Variants in KCNK2 observed in about 807,000 individuals in gnomAD.
The protein encoded by KCNK2 is potassium channel subfamily K member 2.
A neutral mutation model predicts 40.5 loss-of-function variants in KCNK2; 21 were observed. The observed-to-expected ratio is 0.52, with a 90% CI of 0.37 to 0.75. The LOEUF is 0.75. KCNK2 is among the 30% of genes least tolerant of loss of function. KCNK2 has a pLI of 0.00. For synonymous variants in KCNK2, 191 were observed against 202.2 expected (o/e 0.94, Z 0.47); for missense variants, 399 against 531.6 (o/e 0.75, Z 2.45).
At chr1:215,204,323 T>C (rs1308988899) in intron 6 of KCNK2, among the ~76,000 whole-genome samples, 2 of 151,920 alleles carry the variant, frequency 1.3e-5, no homozygotes, top group Non-Finnish European at 2.9e-5. Flanking sequence ...GGTAACTTTT[T>C]TTTTTGATTC....
intron 3 of KCNK2, among the ~76,000 whole-genome samples, chr1:215,154,333 C>A (rs773065049): frequency 6.6e-6 from 1 of 152,046 alleles, no homozygotes; most frequent in African/African-American, 2.4e-5. Context: ...ATTTGCATTT[C>A]TCTAATGGTC....
chr1:215,107,684 C>T (rs1660491056), intron 2 of KCNK2, among the ~76,000 whole-genome samples: 2 of 151,960 alleles, frequency 1.3e-5, no homozygotes. Context: ...TTTTAAAAAT[C>T]AAGTTATTTG....
At chr1:215,090,819 A>G (rs1346094807) in intron 2 of KCNK2, among the ~76,000 whole-genome samples, 1 of 152,194 alleles carries the variant, frequency 6.6e-6, no homozygotes, top group Non-Finnish European at 1.5e-5. Context: ...ATGTTTGGAC[A>G]AGGTCATCTG....
intron 6 of KCNK2, among the ~76,000 whole-genome samples, chr1:215,203,549 T>C (rs1378709688): frequency 2.6e-5 from 4 of 151,952 alleles, no homozygotes; most frequent in African/African-American, 7.2e-5. Flanking sequence ...TATAATATCA[T>C]CATATATTGT....
In KCNK2 at chr1:215,185,265, C is replaced by T. The variant is rs574223386; in HGVS notation, c.824-9688C>T. On this transcript the variant is annotated intron_variant, in intron 5 of 6. Transcript: ENST00000444842. ...TAAATTGACACTATTTTTGCTGATT[C>T]ATCACTATCTCCTTAACTTATATAT... Among the ~76,000 whole-genome samples the T allele has an allele frequency of 3.9e-5, 6 of 152,166 alleles. No homozygotes were observed. The East Asian group carries it at 5.8e-4, about 15-fold the overall frequency.
At chr1:215,057,640 G>T (rs1658216283) in intron 1 of KCNK2, among the ~76,000 whole-genome samples, 1 of 152,064 alleles carries the variant, frequency 6.6e-6, no homozygotes, top group African/African-American at 2.4e-5. Flanking sequence ...ATTAACAATG[G>T]CAAGATGGAA....
At chr1:215,192,394 A>G (rs1292767989) in intron 5 of KCNK2, among the ~76,000 whole-genome samples, 2 of 152,196 alleles carry the variant, frequency 1.3e-5, no homozygotes, top group Admixed American at 6.5e-5. Context: ...TTACCCAAAT[A>G]TAGACCTTTT....
At chr1:215,232,067 T>C (rs1334432542) in intron 6 of KCNK2, among the ~76,000 whole-genome samples, 1 of 152,210 alleles carries the variant, frequency 6.6e-6, no homozygotes, top group Non-Finnish European at 1.5e-5. Flanking sequence ...GCCATATCAA[T>C]ACTCATGCCT....
At chr1:215,056,046 C>T (rs6694251) in intron 1 of KCNK2, among the ~76,000 whole-genome samples, 3,700 of 152,192 alleles carry the variant, frequency 0.024, 152 homozygotes, top group African/African-American at 0.085. Flanking sequence ...TGGCTCATGC[C>T]TGTAATCCCA....
intron 3 of KCNK2, among the ~76,000 whole-genome samples, chr1:215,130,761 T>C (rs1044771248): frequency 2.0e-5 from 3 of 152,168 alleles, no homozygotes; most frequent in African/African-American, 4.8e-5. Context: ...TGGACAGATA[T>C]GTGGTCTTAA....
intron 3 of KCNK2, among the ~76,000 whole-genome samples, chr1:215,165,341 G>A (rs1192873566): frequency 6.6e-6 from 1 of 152,060 alleles, no homozygotes; most frequent in Non-Finnish European, 1.5e-5. Flanking sequence ...ACTTTTATAT[G>A]TGAAAAGTTG....
intron 6 of KCNK2, among the ~76,000 whole-genome samples, chr1:215,220,707 G>T (rs1178162236): frequency 1.3e-5 from 2 of 152,304 alleles, no homozygotes; most frequent in South Asian, 2.1e-4. Flanking sequence ...ATGCCGTTTT[G>T]TTATAAATAA....
At chr1:215,057,142 T>TACCCC (rs1363041906) in intron 1 of KCNK2, among the ~76,000 whole-genome samples, 3 of 152,130 alleles carry the variant, frequency 2.0e-5, no homozygotes, top group Non-Finnish European at 4.4e-5. Context: ...TGTTGCCTAT[T>TACCCC]ACCCCAAAGT....
intron 5 of KCNK2, among the ~76,000 whole-genome samples, chr1:215,189,508 T>C (rs1664579599): frequency 6.6e-6 from 1 of 152,158 alleles, no homozygotes; most frequent in African/African-American, 2.4e-5. Flanking sequence ...AGACTGCTGT[T>C]CTCATGGCAG....
intron 1 of KCNK2, among the ~76,000 whole-genome samples, chr1:215,035,883 A>G (rs574766514): frequency 2.2e-4 from 33 of 151,836 alleles, no homozygotes; most frequent in Non-Finnish European, 3.8e-4. Context: ...ATTGCTCTGC[A>G]TCTTATCAGC....
intron 1 of KCNK2, among the ~76,000 whole-genome samples, chr1:215,023,843 A>T (rs888555731): frequency 5.9e-5 from 9 of 152,160 alleles, no homozygotes; most frequent in Non-Finnish European, 1.3e-4. Flanking sequence ...GATGTGTCCA[A>T]CCTAAATCCT....
At chr1:215,138,217 C>T (rs1662015445) in intron 3 of KCNK2, among the ~76,000 whole-genome samples, 2 of 152,150 alleles carry the variant, frequency 1.3e-5, no homozygotes, top group Admixed American at 6.6e-5. Flanking sequence ...TCTCATTCTA[C>T]TGCTTAGCTC....
chr1:215,228,993 C>T (rs960403480), intron 6 of KCNK2, among the ~76,000 whole-genome samples: 16 of 151,920 alleles, frequency 1.1e-4, no homozygotes, highest in Non-Finnish European at 2.1e-4. Flanking sequence ...CTGCATGCAG[C>T]CCAGGATAGC....
chr1:215,135,914 T>C (rs1363073486), intron 3 of KCNK2, among the ~76,000 whole-genome samples: 1 of 152,020 alleles, frequency 6.6e-6, no homozygotes, highest in Non-Finnish European at 1.5e-5. Context: ...TTTGTATTTT[T>C]AGTAGAGACG....
Sources: allele counts gnomAD v4.1 joint callset (sites outside exome capture counted in the v4.1 genomes callset), GRCh38; gene constraint gnomAD v4.1.1; transcripts MANE v1.5; gene names NCBI Gene and HGNC (gene_info 2026-07-23, HGNC 2026-07-21).